The following GANC variants were observed in gnomAD, a reference collection of about 807,000 sequenced individuals.
GANC encodes the protein glucosidase alpha, neutral C.
Under a neutral mutation model 124.2 loss-of-function variants are expected in GANC, and 117 were observed. That is an observed-to-expected ratio of 0.94 (90% CI 0.81 to 1.10). The LOEUF is 1.10. Among genes scored for constraint, GANC ranks in the 50% least tolerant of loss-of-function variants. The pLI, the probability that GANC is intolerant of heterozygous loss-of-function variation, is 0.00. For synonymous variants in GANC, 377 were observed against 376.8 expected (o/e 1.00, Z -0.01); for missense variants, 1,140 against 1,095.0 (o/e 1.04, Z -0.58).
intron 10 of GANC, among the ~76,000 whole-genome samples, chr15:42,313,413 T>A (rs1159781886): frequency 6.6e-6 from 1 of 152,242 alleles, no homozygotes; most frequent in Non-Finnish European, 1.5e-5. Flanking sequence ...TAAAAACTTT[T>A]GTGCATCAAA....
chr15:42,352,235 C>G lies in GANC; in HGVS notation c.*96C>G. 1 of 1,546,542 alleles carries G rather than the reference C, an allele frequency of 6.5e-7. No homozygotes were observed. Among genetic ancestry groups the G allele is most frequent in the Non-Finnish European group, 8.7e-7 (1 of 1,144,450 alleles). On this transcript the variant is annotated 3_prime_UTR_variant, in exon 24 of 24. Coordinates refer to ENST00000318010, the MANE Select transcript of GANC (RefSeq NM_198141.3). ...GAGATTTTTGCTGCAATCTGTTTGC[C>G]TTCCCTGAATCAAAATAATCTTTCA...
chr15:42,300,440 A>T (rs1171913872), intron 6 of GANC, among the ~76,000 whole-genome samples: 3 of 152,178 alleles, frequency 2.0e-5, no homozygotes, highest in Non-Finnish European at 2.9e-5. Context: ...ATTATTAAAA[A>T]GTCAAAAAAC....
intron 7 of GANC, among the ~76,000 whole-genome samples, chr15:42,307,727 A>G (rs2052012056): frequency 6.6e-6 from 1 of 152,204 alleles, no homozygotes; most frequent in South Asian, 2.1e-4. Context: ...GGAACCAGTT[A>G]TGGCCCTCCT....
intron 1 of GANC, 89 bp from the exon 2 acceptor site, chr15:42,276,259 G>T: frequency 1.5e-6 from 1 of 672,174 alleles, no homozygotes; most frequent in Non-Finnish European, 2.7e-6. Context: ...GGTTTATTTT[G>T]CATGTTCATA....
intron 1 of GANC, among the ~76,000 whole-genome samples, chr15:42,275,035 C>G (rs536484953): frequency 1.3e-5 from 2 of 152,042 alleles, no homozygotes; most frequent in Admixed American, 1.3e-4. Context: ...GTTAATTCTT[C>G]GAAGCTGTAA....
intron 10 of GANC, 96 bp from the exon 11 acceptor site, chr15:42,321,689 A>G: frequency 9.8e-7 from 1 of 1,019,950 alleles, no homozygotes; most frequent in Non-Finnish European, 1.5e-6. Context: ...GCATAAGCTC[A>G]GTGCTGAATA....
At chr15:42,317,100 A>G (rs528455309) in intron 10 of GANC, among the ~76,000 whole-genome samples, 1 of 152,158 alleles carries the variant, frequency 6.6e-6, no homozygotes, top group Non-Finnish European at 1.5e-5. Context: ...TTGTGCCTTC[A>G]GTCTCTTGCC....
chr15:42,349,308 C>A, intron 21 of GANC, 75 bp from the exon 22 acceptor site: 1 of 926,654 alleles, frequency 1.1e-6, no homozygotes, highest in South Asian at 1.4e-5. Context: ...TCTGTTGTTA[C>A]CCTTTAGGAG....
At chr15:42,322,259 C>T (rs2052165887) in intron 11 of GANC, among the ~76,000 whole-genome samples, 3 of 152,196 alleles carry the variant, frequency 2.0e-5, no homozygotes, top group African/African-American at 4.8e-5. Flanking sequence ...CTAGCATTTT[C>T]AGTTCCGTTT....
chr15:42,348,895 A>G (rs959008080), intron 21 of GANC, among the ~76,000 whole-genome samples: 3 of 152,204 alleles, frequency 2.0e-5, no homozygotes, highest in African/African-American at 7.2e-5. Flanking sequence ...TCCCAGACCC[A>G]TGTGAGGCCC....
At position 42,338,437 on chromosome 15, in the gene GANC, T is replaced by A. The variant is rs1268852628; in HGVS notation, c.1790T>A (p.Ile597Asn). The change falls in exon 16 of 24, where the codon ATT (isoleucine) becomes AAT (asparagine). Residue 597 changes from isoleucine to asparagine, a missense_variant. Transcript: ENST00000318010. ...ACAGCAGAATGGAGCAACTTGAAAA[T>A]TTCTATCCCAATGTTACTCACTCTC... ...DNTAEWSNLK[I>N]SIPMLLTLSI... The A allele has an allele frequency of 6.2e-7, 1 of 1,614,064 alleles. No homozygotes were observed. The highest frequency in any genetic ancestry group is 1.7e-5 in the Admixed American group (1 of 60,014).
chr15:42,303,670 G>GAAAAAAAAAAAAAA (rs150074091), intron 6 of GANC, among the ~76,000 whole-genome samples: 1 of 128,576 alleles, frequency 7.8e-6, no homozygotes, highest in African/African-American at 2.9e-5. Flanking sequence ...TATTTACCAA[G>GAAAAAAAAAAAAAA]AAAAAAAAAA....
intron 5 of GANC, among the ~76,000 whole-genome samples, chr15:42,296,210 C>T (rs1001673736): frequency 2.7e-5 from 4 of 150,896 alleles, no homozygotes; most frequent in African/African-American, 9.7e-5. Flanking sequence ...TGTGTAATAT[C>T]CCTTTTTATC....
intron 5 of GANC, among the ~76,000 whole-genome samples, chr15:42,297,390 T>C (rs577464638): frequency 1.6e-3 from 241 of 152,234 alleles, no homozygotes; most frequent in African/African-American, 5.7e-3. Context: ...ATCGAACTCC[T>C]GGGCTCAAGT....
intron 20 of GANC, among the ~76,000 whole-genome samples, chr15:42,346,438 G>T (rs2052364336): frequency 6.6e-6 from 1 of 152,072 alleles, no homozygotes. Context: ...AATTGAGTGT[G>T]GTGATGGTTG....
chr15:42,340,885 C>G (rs2052325090), intron 18 of GANC, 131 bp downstream of exon 18: 1 of 670,760 alleles, frequency 1.5e-6, no homozygotes, highest in East Asian at 2.9e-5. Context: ...TCTGCCTCAG[C>G]CTCCTGAGCA....
chr15:42,281,989 C>T (rs1199560067), intron 3 of GANC, among the ~76,000 whole-genome samples: 1 of 151,864 alleles, frequency 6.6e-6, no homozygotes, highest in East Asian at 1.9e-4. Flanking sequence ...GGGTTTGAGA[C>T]CAGACTGATC....
intron 10 of GANC, 25 bp downstream of exon 10, chr15:42,310,871 T>G (rs756053987): frequency 6.2e-6 from 10 of 1,602,914 alleles, no homozygotes; most frequent in Admixed American, 5.0e-5. Flanking sequence ...AAGTGCCAGT[T>G]TCTTGTTCTG....
At chr15:42,340,661 TA>T in intron 17 of GANC, 28 bp from the exon 18 acceptor site, 1 of 1,545,090 alleles carries the variant, frequency 6.5e-7, no homozygotes, top group Non-Finnish European at 8.8e-7. Flanking sequence ...TCTATAATGT[TA>T]AAACAATAAT....
Sources: allele counts gnomAD v4.1 joint callset (sites outside exome capture counted in the v4.1 genomes callset), GRCh38; gene constraint gnomAD v4.1.1; transcripts MANE v1.5; gene names NCBI Gene and HGNC (gene_info 2026-07-23, HGNC 2026-07-21).